Variants in ZNF704 observed in about 807,000 individuals in gnomAD.
ZNF704 encodes the protein zinc finger protein 704.
ZNF704 carries 10 observed loss-of-function variants against 44.7 expected under a neutral mutation model. That is an observed-to-expected ratio of 0.22 (90% CI 0.14 to 0.38). ZNF704 has a LOEUF of 0.38. Among genes scored for constraint, ZNF704 ranks in the 10% least tolerant of loss-of-function variants. The probability of loss-of-function intolerance (pLI) is 1.00; values close to 1 mark genes in which losing one functional copy is unlikely to be tolerated. For synonymous variants in ZNF704, 211 were observed against 207.6 expected, an observed-to-expected ratio of 1.02 and a Z score of -0.14; for missense variants, 390 against 545.5, an observed-to-expected ratio of 0.71 and a Z score of 2.84.
chr8:80,758,764 G>A (rs767176856), intron 2 of ZNF704, among the ~76,000 whole-genome samples: 1 of 151,994 alleles, frequency 6.6e-6, no homozygotes, highest in Non-Finnish European at 1.5e-5. Flanking sequence ...TTGAAATCAG[G>A]TGCATTTTAT....
chr8:80,701,419 G>A (rs1297225463), intron 2 of ZNF704, among the ~76,000 whole-genome samples: 1 of 151,842 alleles, frequency 6.6e-6, no homozygotes, highest in Non-Finnish European at 1.5e-5. Flanking sequence ...TCTAGGCAAG[G>A]TCTTTGTCAC....
At chr8:80,669,365 T>C (rs565397738) in intron 5 of ZNF704, among the ~76,000 whole-genome samples, 1 of 152,258 alleles carries the variant, frequency 6.6e-6, no homozygotes, top group African/African-American at 2.4e-5. Context: ...GTATTTCAAT[T>C]GGTATTTCTT....
chr8:80,825,505 TAGACAGATCAACA>T (rs893191559), intron 1 of ZNF704, among the ~76,000 whole-genome samples: 1 of 152,180 alleles, frequency 6.6e-6, no homozygotes, highest in African/African-American at 2.4e-5. Context: ...CTGTCAATGT[TAGACAGATCAACA>T]AGACAGAAAG....
At chr8:80,730,307 G>A (rs917053976) in intron 2 of ZNF704, among the ~76,000 whole-genome samples, 3 of 152,074 alleles carry the variant, frequency 2.0e-5, no homozygotes, top group African/African-American at 7.2e-5. Flanking sequence ...GGAGGCCGAA[G>A]TGGGCAGATC....
chr8:80,741,787 C>T (rs1480081412), intron 2 of ZNF704, among the ~76,000 whole-genome samples: 2 of 152,168 alleles, frequency 1.3e-5, no homozygotes, highest in Non-Finnish European at 2.9e-5. Context: ...CCAACCTCAA[C>T]TTGTATACTG....
At chr8:80,711,690 A>G (rs1479716545) in intron 2 of ZNF704, among the ~76,000 whole-genome samples, 1 of 152,184 alleles carries the variant, frequency 6.6e-6, no homozygotes, top group Admixed American at 6.5e-5. Context: ...TGAGGCTCAG[A>G]TTTTTTACTT....
chr8:80,727,507 G>T (rs1343138522), intron 2 of ZNF704, among the ~76,000 whole-genome samples: 1 of 151,128 alleles, frequency 6.6e-6, no homozygotes, highest in African/African-American at 2.4e-5. Context: ...GCCTTCTGAT[G>T]CCTGGTTATA....
intron 1 of ZNF704, among the ~76,000 whole-genome samples, chr8:80,870,590 G>A (rs1227757178): frequency 6.6e-6 from 1 of 152,002 alleles, no homozygotes; most frequent in Non-Finnish European, 1.5e-5. Context: ...TCTTCTCTTG[G>A]CTTATTGGAC....
intron 2 of ZNF704, among the ~76,000 whole-genome samples, chr8:80,703,817 TTAAG>T (rs1270643621): frequency 3.3e-5 from 5 of 152,100 alleles, no homozygotes; most frequent in Non-Finnish European, 5.9e-5. Context: ...CAAATAAGCA[TTAAG>T]TAAGGATGGT....
chr8:80,733,903 G>A lies in ZNF704; in HGVS notation c.222-40796C>T, dbSNP rs184304766. Among the ~76,000 whole-genome samples, 311 of 152,232 alleles carry A rather than the reference G, an allele frequency of 2.0e-3. 1 individual carries two copies. Among genetic ancestry groups the A allele is most frequent in the African/African-American group, 7.1e-3 (296 of 41,542 alleles). On this transcript the variant is annotated intron_variant, in intron 2 of 8. Transcript: ENST00000327835. Reference sequence around the variant, plus strand: ...AAACTTTGAACCCTACAAAAAAGTGGAAATCTTTGTATTGTTTTATTAGCT... The same window carrying A: ...AAACTTTGAACCCTACAAAAAAGTGAAAATCTTTGTATTGTTTTATTAGCT...
chr8:80,730,947 CATTT>C (rs1162878010), intron 2 of ZNF704, among the ~76,000 whole-genome samples: 1 of 152,152 alleles, frequency 6.6e-6, no homozygotes, highest in African/African-American at 2.4e-5. Flanking sequence ...CTTTTTAAGA[CATTT>C]ATTTCAAATT....
intron 1 of ZNF704, among the ~76,000 whole-genome samples, chr8:80,841,592 AAT>A (rs1334264756): frequency 6.6e-6 from 1 of 152,214 alleles, no homozygotes; most frequent in Non-Finnish European, 1.5e-5. Flanking sequence ...TTGTAACTTT[AAT>A]ATGTCATATA....
chr8:80,734,490 T>C (rs1022965695), intron 2 of ZNF704, among the ~76,000 whole-genome samples: 3 of 152,224 alleles, frequency 2.0e-5, no homozygotes, highest in Admixed American at 1.3e-4. Flanking sequence ...AGTATAATAC[T>C]GAACAAGATA....
intron 2 of ZNF704, among the ~76,000 whole-genome samples, chr8:80,751,095 CT>C (rs948348640): frequency 1.5e-4 from 23 of 151,984 alleles, no homozygotes; most frequent in Admixed American, 1.2e-3. Context: ...AAAACTTTTG[CT>C]TTTTTTTAAC....
intron 2 of ZNF704, among the ~76,000 whole-genome samples, chr8:80,817,776 T>C (rs1039030317): frequency 3.1e-4 from 47 of 152,198 alleles, no homozygotes; most frequent in Admixed American, 8.5e-4. Context: ...AATAAAAAAA[T>C]TGGGCTTTTA....
chr8:80,741,009 G>A (rs1806746622), intron 2 of ZNF704, among the ~76,000 whole-genome samples: 1 of 152,234 alleles, frequency 6.6e-6, no homozygotes, highest in Non-Finnish European at 1.5e-5. Context: ...GCTTACAGCA[G>A]GTTAAATACT....
intron 2 of ZNF704, among the ~76,000 whole-genome samples, chr8:80,755,505 G>C (rs1586004499): frequency 6.6e-6 from 1 of 152,090 alleles, no homozygotes; most frequent in Non-Finnish European, 1.5e-5. Context: ...GAATGGTCCA[G>C]CTGAGGAAAA....
intron 2 of ZNF704, among the ~76,000 whole-genome samples, chr8:80,775,150 A>G (rs997904942): frequency 2.6e-5 from 4 of 152,218 alleles, no homozygotes; most frequent in African/African-American, 9.6e-5. Context: ...ATTAAAAAAC[A>G]AAAATCACTG....
intron 4 of ZNF704, among the ~76,000 whole-genome samples, chr8:80,673,519 T>C (rs539804737): frequency 7.2e-5 from 11 of 152,226 alleles, no homozygotes; most frequent in Non-Finnish European, 1.2e-4. Flanking sequence ...ATGGAACTGA[T>C]GTAGCTTGAT....
Sources: allele counts gnomAD v4.1 joint callset (sites outside exome capture counted in the v4.1 genomes callset), GRCh38; gene constraint gnomAD v4.1.1; transcripts MANE v1.5; gene names NCBI Gene and HGNC (gene_info 2026-07-23, HGNC 2026-07-21).